The following CYP20A1 variants were observed in gnomAD, a reference collection of about 807,000 sequenced individuals.
CYP20A1 encodes the protein cytochrome P450 family 20 subfamily A member 1.
Under a neutral mutation model 61.4 loss-of-function variants are expected in CYP20A1, and 61 were observed. That is an observed-to-expected ratio of 0.99 (90% CI 0.81 to 1.23). The LOEUF (loss-of-function observed/expected upper bound fraction) is 1.23, where lower values mean the gene tolerates loss of function less well. Among genes scored for constraint, CYP20A1 ranks in the 50% most tolerant of loss-of-function variants. CYP20A1 has a pLI of 0.00. For synonymous variants in CYP20A1, 193 were observed against 188.2 expected, an observed-to-expected ratio of 1.03 and a Z score of -0.21; for missense variants, 530 against 542.4, an observed-to-expected ratio of 0.98 and a Z score of 0.23.
chr2:203,291,395 G>A (rs2068525578), intron 10 of CYP20A1, among the ~76,000 whole-genome samples: 1 of 152,166 alleles, frequency 6.6e-6, no homozygotes, highest in African/African-American at 2.4e-5. Context: ...TAGCAACAAT[G>A]TATGAGAATG....
Position 203,299,045 on chromosome 2 carries a change from A to AT in CYP20A1, c.*2137_*2138insT, listed in dbSNP as rs2068923500. On this transcript the variant is annotated 3_prime_UTR_variant, in exon 13 of 13. Coordinates refer to ENST00000356079, the MANE Select transcript of CYP20A1 (RefSeq NM_177538.3). The stretch of plus-strand genomic sequence containing the variant: ...GCTGAGACCTTGTCTCAAAAAAAAA[A>AT]GGAGTATCTTAAGTGTCTTTCAAAA... 1.3e-5 allele frequency among the ~76,000 whole-genome samples: 2 copies of AT among 152,112 alleles called. No homozygotes were observed. Among genetic ancestry groups the AT allele is most frequent in the Admixed American group, 1.3e-4 (2 of 15,246 alleles).
chr2:203,283,605 G>A (rs1392261590), intron 8 of CYP20A1, among the ~76,000 whole-genome samples: 1 of 146,404 alleles, frequency 6.8e-6, no homozygotes, highest in African/African-American at 2.5e-5. Context: ...CTGGAGTGCA[G>A]TGGCGCCATC....
chr2:203,280,504 A>G (rs2067999218), intron 8 of CYP20A1, among the ~76,000 whole-genome samples: 1 of 152,136 alleles, frequency 6.6e-6, no homozygotes, highest in African/African-American at 2.4e-5. Flanking sequence ...GGAGTTCGAG[A>G]CCAGTCTGGG....
At chr2:203,239,162 C>T (rs1397425344) in intron 1 of CYP20A1, 28 bp downstream of exon 1, 6 of 1,593,260 alleles carry the variant, frequency 3.8e-6, no homozygotes, top group African/African-American at 1.3e-5. Context: ...TCTCTGGGGC[C>T]CCGGGCGCCG....
In CYP20A1 at chr2:203,266,564, C is replaced by T. The variant is rs754571404; in HGVS notation, c.483C>T (p.His161=). ...DKWLSYPETQ[H]VPLSQHMLGF... The stretch of plus-strand genomic sequence containing the variant: ...GGCTCTCCTACCCAGAGACCCAGCA[C>T]GTGCCCCTCAGCCAGCATATGCTTG... The change falls in exon 5 of 13, where the codon CAC becomes CAT. Residue 161 remains histidine (H), a synonymous_variant. Transcript: ENST00000356079. 62 of 1,613,846 alleles carry T rather than the reference C, an allele frequency of 3.8e-5. No homozygotes were observed. The highest frequency in any genetic ancestry group is 1.1e-4 in the East Asian group (5 of 44,898).
chr2:203,282,561 T>G (rs1384723138), intron 8 of CYP20A1, among the ~76,000 whole-genome samples: 1 of 152,214 alleles, frequency 6.6e-6, no homozygotes, highest in Non-Finnish European at 1.5e-5. Flanking sequence ...TTTAAAAATC[T>G]AAATCACTTG....
intron 1 of CYP20A1, among the ~76,000 whole-genome samples, 175 bp downstream of exon 1, chr2:203,239,309 C>G (rs1052877541): frequency 1.2e-4 from 19 of 152,078 alleles, no homozygotes; most frequent in Non-Finnish European, 2.2e-4. Context: ...ACGCCCCTCC[C>G]GGCAAGCTCT....
In CYP20A1 at chr2:203,272,703, G is replaced by A; in HGVS notation, c.634G>A (p.Gly212Arg). 1 of 1,607,630 alleles carries A rather than the reference G, an allele frequency of 6.2e-7. No individual in the cohort carries two copies. The highest frequency in any genetic ancestry group is 8.5e-7 in the Non-Finnish European group (1 of 1,178,034). The change falls in exon 6 of 13, where the codon GGG becomes AGG. Residue 212 changes from glycine (G) to arginine (R), a missense_variant. By Grantham distance (125) the Gly-to-Arg change is moderately radical. Transcript: ENST00000356079. ...TGAGATTGGAAAAGGCTTTCTAGATGGGTCACTTGATAAAAACATGACTCG... is the reference window on the plus strand; with the variant it reads ...TGAGATTGGAAAAGGCTTTCTAGATAGGTCACTTGATAAAAACATGACTCG... ...WSEIGKGFLD[G>R]SLDKNMTRKK...
At chr2:203,272,369 C>T (rs766863817) in intron 5 of CYP20A1, among the ~76,000 whole-genome samples, 7 of 151,690 alleles carry the variant, frequency 4.6e-5, no homozygotes, top group African/African-American at 7.3e-5. Flanking sequence ...ATGGTGAAAC[C>T]CGTCTCTACA....
At chr2:203,272,837 G>C in intron 6 of CYP20A1, 89 bp downstream of exon 6, 2 of 715,704 alleles carry the variant, frequency 2.8e-6, no homozygotes, top group Non-Finnish European at 4.4e-6. Context: ...GAGATTAAAG[G>C]TCATTTATAT....
intron 4 of CYP20A1, among the ~76,000 whole-genome samples, chr2:203,258,940 G>A (rs1460382604): frequency 6.6e-6 from 1 of 152,050 alleles, no homozygotes; most frequent in African/African-American, 2.4e-5. Flanking sequence ...GTATCCCCAG[G>A]AATTTTGCCC....
intron 1 of CYP20A1, among the ~76,000 whole-genome samples, chr2:203,242,919 T>C (rs1231135551): frequency 1.3e-5 from 2 of 152,306 alleles, no homozygotes; most frequent in South Asian, 2.1e-4. Flanking sequence ...TTAAATCAAA[T>C]GCTCTGTCAA....
chr2:203,253,987 G>A lies in CYP20A1; in HGVS notation c.432+1878G>A, dbSNP rs184395171. On this transcript the variant is annotated intron_variant, in intron 4 of 12. Transcript: ENST00000356079. Reference sequence around the variant, plus strand: ...TTTTGATACAGAGTCTCACTCTGTCGCCCAGGCTGGAATGCAGTGGCGTGA... The same window carrying A: ...TTTTGATACAGAGTCTCACTCTGTCACCCAGGCTGGAATGCAGTGGCGTGA... 3.8e-3 allele frequency among the ~76,000 whole-genome samples: 580 copies of A among 151,560 alleles called. 5 individuals are homozygous for A. Among genetic ancestry groups the A allele is most frequent in the South Asian group, 3.1e-3 (15 of 4,790 alleles).
Position 203,299,912 on chromosome 2 carries a change from T to G in CYP20A1, c.*3004T>G, listed in dbSNP as rs991210322. Among the ~76,000 whole-genome samples the G allele has an allele frequency of 2.6e-5, 4 of 152,182 alleles. No individual in the cohort carries two copies. The highest frequency in any genetic ancestry group is 2.1e-4 in the South Asian group (1 of 4,834). On this transcript the variant is annotated 3_prime_UTR_variant, in exon 13 of 13. Transcript: ENST00000356079. The stretch of plus-strand genomic sequence containing the variant: ...AAAATTCTAAAACTTTAAGTGAAAT[T>G]TATTATCCCTTCCCACTTATTTTCT...
At position 203,297,294 on chromosome 2, in the gene CYP20A1, C is replaced by G. The variant is rs1236377061; in HGVS notation, c.*386C>G. 5 of 170,650 alleles carry G rather than the reference C, an allele frequency of 2.9e-5. No homozygotes were observed. The highest frequency in any genetic ancestry group is 2.9e-4 in the Admixed American group (5 of 17,086). The allele number at this position is 170,650 out of a possible 1,614,324, so 10.6% of individuals were successfully genotyped here. A position where few individuals can be genotyped will look rare whatever the true frequency, so the allele number is the denominator to read the frequency against. On this transcript the variant is annotated 3_prime_UTR_variant, in exon 13 of 13. Transcript: ENST00000356079. ...GTATAAAATAGAAACATAGGCTGGGCGCGGTGGCTCACACCTGTAATCCCT... is the reference window on the plus strand; with the variant it reads ...GTATAAAATAGAAACATAGGCTGGGGGCGGTGGCTCACACCTGTAATCCCT...
chr2:203,289,653 T>G, intron 9 of CYP20A1, 112 bp from the exon 10 acceptor site: 1 of 476,074 alleles, frequency 2.1e-6, no homozygotes, highest in South Asian at 3.9e-5. Context: ...ATGATGGGAC[T>G]ATTTCAAGTT....
rs1223501740 is a variant in CYP20A1, at chr2:203,246,444, T to C, written c.123-311T>C. Among the ~76,000 whole-genome samples the C allele has an allele frequency of 2.6e-5, 4 of 152,228 alleles. No homozygotes were observed. The East Asian group carries it at 7.7e-4, about 29-fold the overall frequency. Reference sequence around the variant, plus strand: ...GATTTTCACCAGCCGATGATGTCCATTGTCATCTCAGAATTAGGTGCTGGG... The same window carrying C: ...GATTTTCACCAGCCGATGATGTCCACTGTCATCTCAGAATTAGGTGCTGGG... On this transcript the variant is annotated intron_variant, in intron 2 of 12. Transcript: ENST00000356079.
intron 9 of CYP20A1, among the ~76,000 whole-genome samples, chr2:203,286,046 A>G (rs1226867688): frequency 2.6e-5 from 4 of 152,176 alleles, no homozygotes; most frequent in Non-Finnish European, 4.4e-5. Context: ...GGTGGCTCAC[A>G]CCTGTAATCC....
At chr2:203,276,650 C>T (rs879427252) in intron 6 of CYP20A1, among the ~76,000 whole-genome samples, 1 of 152,000 alleles carries the variant, frequency 6.6e-6, no homozygotes, top group African/African-American at 2.4e-5. Flanking sequence ...AGGAGGTTGT[C>T]GGGAAATAAG....
Sources: allele counts gnomAD v4.1 joint callset (sites outside exome capture counted in the v4.1 genomes callset), GRCh38; gene constraint gnomAD v4.1.1; transcripts MANE v1.5; gene names NCBI Gene and HGNC (gene_info 2026-07-23, HGNC 2026-07-21).